RABGAP1: variants seen among roughly 807,000 people sequenced by gnomAD.
The protein encoded by RABGAP1 is RAB GTPase activating protein 1, also known as rab GTPase-activating protein 1.
Under a neutral mutation model 137.6 loss-of-function variants are expected in RABGAP1, and 23 were observed. The ratio of observed to expected loss-of-function variants is 0.17; its 90% CI spans 0.12 to 0.24. RABGAP1 has a LOEUF of 0.24. Among genes scored for constraint, RABGAP1 ranks in the 10% least tolerant of loss-of-function variants. The probability of loss-of-function intolerance (pLI) is 1.00; values close to 1 mark genes in which losing one functional copy is unlikely to be tolerated. For synonymous variants in RABGAP1, 451 were observed against 450.7 expected, an observed-to-expected ratio of 1.00 and a Z score of -0.01; for missense variants, 906 against 1,275.8, an observed-to-expected ratio of 0.71 and a Z score of 4.42.
chr9:123,098,293 C>T lies in RABGAP1; in HGVS notation c.2734-422C>T, dbSNP rs774115526. On this transcript the variant is annotated intron_variant, in intron 22 of 25. Coordinates refer to ENST00000373647, the MANE Select transcript of RABGAP1 (RefSeq NM_012197.4). ...GTGCTGTGCGCCTGGGAGCAGTCCC[C>T]TCCCCTGTCACACCACGGTCGTCCA... Among the ~76,000 whole-genome samples, 40 of 152,344 alleles carry T rather than the reference C, an allele frequency of 2.6e-4. No individual in the cohort carries two copies. In the Middle Eastern group the frequency reaches 0.014, roughly 52 times the overall value.
At chr9:123,019,319 A>G (rs1021203618) in intron 12 of RABGAP1, among the ~76,000 whole-genome samples, 6 of 152,148 alleles carry the variant, frequency 3.9e-5, no homozygotes, top group Non-Finnish European at 8.8e-5. Flanking sequence ...ATAAATATAC[A>G]ATATTCTTGT....
chr9:122,953,506 A>T lies in RABGAP1; in HGVS notation c.-49-3505A>T, dbSNP rs150369182. 2.0e-3 allele frequency among the ~76,000 whole-genome samples: 302 copies of T among 152,186 alleles called. 8 individuals are homozygous for T. In the East Asian group the frequency reaches 0.047, roughly 24 times the overall value. ...AAGCTCTGCCTCCCGGGTTCAAGCA[A>T]TTCTCTTGCCTCAGCCTCCCGAGTA... On this transcript the variant is annotated intron_variant, in intron 1 of 25. Coordinates refer to ENST00000373647, the MANE Select transcript of RABGAP1 (RefSeq NM_012197.4).
intron 1 of RABGAP1, among the ~76,000 whole-genome samples, chr9:122,944,987 C>T (rs988475653): frequency 1.3e-5 from 2 of 151,704 alleles, no homozygotes; most frequent in African/African-American, 4.8e-5. Flanking sequence ...ATTTAAGGTA[C>T]GTAAAGCAGA....
intron 13 of RABGAP1, among the ~76,000 whole-genome samples, chr9:123,023,541 C>G (rs2031778758): frequency 6.6e-6 from 1 of 152,108 alleles, no homozygotes; most frequent in African/African-American, 2.4e-5. Flanking sequence ...TTGTATCTCA[C>G]TTCTTTCGTT....
intron 6 of RABGAP1, among the ~76,000 whole-genome samples, chr9:122,992,771 C>A (rs1836806219): frequency 6.8e-6 from 1 of 146,842 alleles, no homozygotes; most frequent in South Asian, 2.1e-4. Context: ...TATATAAAAC[C>A]TATTATATAC....
chr9:122,999,852 A>G (rs1693814688), intron 10 of RABGAP1, among the ~76,000 whole-genome samples: 1 of 150,514 alleles, frequency 6.6e-6, no homozygotes, highest in South Asian at 2.1e-4. Flanking sequence ...CTGAGGCTCT[A>G]TTTTTTCCCA....
intron 1 of RABGAP1, among the ~76,000 whole-genome samples, chr9:122,947,371 T>G (rs1354484386): frequency 6.6e-6 from 1 of 152,156 alleles, no homozygotes. Flanking sequence ...GGCACAGAGT[T>G]AAGAAAGGAA....
chr9:123,013,167 A>T (rs1295912977), intron 11 of RABGAP1, among the ~76,000 whole-genome samples: 5 of 152,222 alleles, frequency 3.3e-5, no homozygotes, highest in African/African-American at 1.2e-4. Context: ...TGAAGAAATT[A>T]CCATCCCTTC....
chr9:122,958,425 A>G (rs1834660038), intron 2 of RABGAP1, among the ~76,000 whole-genome samples: 4 of 152,204 alleles, frequency 2.6e-5, no homozygotes, highest in Non-Finnish European at 1.5e-5. Flanking sequence ...ATAACAAAAC[A>G]GGATATGTGG....
intron 1 of RABGAP1, among the ~76,000 whole-genome samples, chr9:122,944,459 G>A (rs1833818846): frequency 6.6e-6 from 1 of 151,920 alleles, no homozygotes; most frequent in African/African-American, 2.4e-5. Context: ...CAAACACCTG[G>A]CCTCAAGCAA....
intron 2 of RABGAP1, among the ~76,000 whole-genome samples, chr9:122,958,223 CT>C (rs1834642827): frequency 6.6e-6 from 1 of 152,184 alleles, no homozygotes; most frequent in South Asian, 2.1e-4. Flanking sequence ...ATCTGGCCAC[CT>C]TGGCATTCCC....
At chr9:122,945,622 C>G (rs1468808536) in intron 1 of RABGAP1, among the ~76,000 whole-genome samples, 1 of 152,152 alleles carries the variant, frequency 6.6e-6, no homozygotes, top group Non-Finnish European at 1.5e-5. Flanking sequence ...GTGTACCTCT[C>G]CAAGAATTAA....
chr9:123,036,577 C>T (rs953781534), intron 13 of RABGAP1, among the ~76,000 whole-genome samples: 5 of 152,062 alleles, frequency 3.3e-5, no homozygotes, highest in Non-Finnish European at 7.4e-5. Flanking sequence ...AGAAGGGTGT[C>T]GGTCATAAGC....
chr9:123,098,386 C>T (rs1443286498), intron 22 of RABGAP1, among the ~76,000 whole-genome samples: 1 of 152,238 alleles, frequency 6.6e-6, no homozygotes, highest in East Asian at 1.9e-4. Context: ...ATGCTGAAAA[C>T]CCGCAGTCCT....
intron 11 of RABGAP1, among the ~76,000 whole-genome samples, chr9:123,013,588 C>T (rs1390262780): frequency 2.0e-5 from 3 of 152,172 alleles, no homozygotes; most frequent in Admixed American, 6.5e-5. Flanking sequence ...CCACTTTGGC[C>T]TCCCAAAGTG....
chr9:123,025,562 C>CCTTCAAGA (rs1334423774), intron 13 of RABGAP1, among the ~76,000 whole-genome samples: 23 of 17,682 alleles, frequency 1.3e-3, no homozygotes, highest in Middle Eastern at 0.071. Context: ...TTTTTTTTTG[C>CCTTCAAGA]CTTCAAGAAT....
chr9:123,061,992 C>G (rs1256773375), intron 13 of RABGAP1: 1 of 152,138 alleles, frequency 6.6e-6, no homozygotes, highest in East Asian at 1.9e-4. Flanking sequence ...GGAATATGGC[C>G]GGGTGTGGTA....
At chr9:123,035,639 CGTGTGTGTGTGTGTGTGTGTGTGTGTGT>C (rs5900552) in intron 13 of RABGAP1, 9 of 733,274 alleles carry the variant, frequency 1.2e-5, no homozygotes, top group African/African-American at 3.5e-5. Flanking sequence ...ACGGGGTTCC[CGTGTGTGTGTGTGTGTGTGTGTGTGTGT>C]GTGTGTGTGT....
At chr9:122,986,763 A>T (rs1295535782) in intron 4 of RABGAP1, among the ~76,000 whole-genome samples, 1 of 152,160 alleles carries the variant, frequency 6.6e-6, no homozygotes, top group African/African-American at 2.4e-5. Context: ...ATGGAGTTTC[A>T]TGTTGAGTTT....
Sources: allele counts gnomAD v4.1 joint callset (sites outside exome capture counted in the v4.1 genomes callset), GRCh38; gene constraint gnomAD v4.1.1; transcripts MANE v1.5; gene names NCBI Gene and HGNC (gene_info 2026-07-23, HGNC 2026-07-21).